GPC5: variants seen among roughly 807,000 people sequenced by gnomAD.
GPC5 encodes glypican-5.
Under a neutral mutation model 53.9 loss-of-function variants are expected in GPC5, and 47 were observed. That is an observed-to-expected ratio of 0.87 (90% CI 0.69 to 1.11). GPC5 has a LOEUF of 1.11. Among genes scored for constraint, GPC5 ranks in the 50% most tolerant of loss-of-function variants. The probability of loss-of-function intolerance (pLI) is 0.00; values close to 1 mark genes in which losing one functional copy is unlikely to be tolerated. For missense variants in GPC5, 748 were observed against 713.1 expected, an observed-to-expected ratio of 1.05 and a Z score of -0.56; for synonymous variants, 286 against 263.3, an observed-to-expected ratio of 1.09 and a Z score of -0.84.
chr13:91,626,348 G>T (rs1353797640), intron 2 of GPC5, among the ~76,000 whole-genome samples: 1 of 152,116 alleles, frequency 6.6e-6, no homozygotes, highest in Non-Finnish European at 1.5e-5. Context: ...TCCTTGCTCA[G>T]GCATGTACTG....
chr13:91,527,121 T>C (rs1460933504), intron 2 of GPC5, among the ~76,000 whole-genome samples: 2 of 152,178 alleles, frequency 1.3e-5, no homozygotes, highest in Non-Finnish European at 2.9e-5. Context: ...GCCTTTCCAA[T>C]AGTTCTGCAA....
chr13:92,157,646 AAG>A (rs2041954787), intron 7 of GPC5, among the ~76,000 whole-genome samples: 2 of 152,316 alleles, frequency 1.3e-5, no homozygotes, highest in Non-Finnish European at 2.9e-5. Context: ...TTATGTTAGG[AAG>A]AAACATGTTT....
rs373678793 is a variant in GPC5, at chr13:91,864,244, T to C, written c.1281-43693T>C. ...AATGCTTGAATGTAAGATAGTAGTT[T>C]TCTTTGAAAGATTTGGAGAATTTCA... On this transcript the variant is annotated intron_variant, in intron 5 of 7. Coordinates refer to ENST00000377067, the MANE Select transcript of GPC5 (RefSeq NM_004466.6). Among the ~76,000 whole-genome samples the C allele has an allele frequency of 5.4e-4, 83 of 152,328 alleles. 1 individual carries two copies. The highest frequency in any genetic ancestry group is 1.2e-3 in the South Asian group (6 of 4,834).
intron 7 of GPC5, among the ~76,000 whole-genome samples, chr13:92,458,804 T>C (rs890464298): frequency 3.3e-5 from 5 of 152,122 alleles, no homozygotes; most frequent in Non-Finnish European, 7.4e-5. Flanking sequence ...CATATCCAGA[T>C]TCTTTATCAT....
Position 91,607,363 on chromosome 13 carries a change from C to T in GPC5, c.326-85824C>T, listed in dbSNP as rs138979328. ...AATTTGATAAAATTATTTTTTTCCT[C>T]AAGCAAACTGAAGGATTTACCCTTG... On this transcript the variant is annotated intron_variant, in intron 2 of 7. Coordinates refer to ENST00000377067, the MANE Select transcript of GPC5 (RefSeq NM_004466.6). Among the ~76,000 whole-genome samples the T allele has an allele frequency of 1.6e-4, 24 of 152,202 alleles. No individual in the cohort carries two copies. In the East Asian group the frequency reaches 3.9e-3, roughly 25 times the overall value.
At chr13:91,893,286 A>T (rs1180851120) in intron 5 of GPC5, among the ~76,000 whole-genome samples, 1 of 151,988 alleles carries the variant, frequency 6.6e-6, no homozygotes, top group Non-Finnish European at 1.5e-5. Flanking sequence ...ATGACTTTGT[A>T]TTTTTGTATT....
intron 7 of GPC5, among the ~76,000 whole-genome samples, chr13:92,785,320 G>T (rs1280583185): frequency 6.6e-6 from 1 of 152,032 alleles, no homozygotes; most frequent in Non-Finnish European, 1.5e-5. Context: ...CTCATCATTT[G>T]CACATAGTCA....
chr13:91,531,748 G>A (rs1886354688), intron 2 of GPC5, among the ~76,000 whole-genome samples: 1 of 152,168 alleles, frequency 6.6e-6, no homozygotes, highest in East Asian at 1.9e-4. Flanking sequence ...AATAGGAACT[G>A]GTATGTGTGA....
At chr13:92,234,020 G>C (rs184419373) in intron 7 of GPC5, among the ~76,000 whole-genome samples, 31 of 152,242 alleles carry the variant, frequency 2.0e-4, no homozygotes, top group African/African-American at 7.0e-4. Context: ...AGTATTCCAT[G>C]GTGTATATGT....
chr13:92,642,903 T>C (rs1394777428), intron 7 of GPC5, among the ~76,000 whole-genome samples: 3 of 151,816 alleles, frequency 2.0e-5, no homozygotes, highest in African/African-American at 7.3e-5. Flanking sequence ...TTTAAGGAGG[T>C]TGGCTAACGC....
chr13:92,096,282 A>G (rs1056352050), intron 6 of GPC5, among the ~76,000 whole-genome samples: 3 of 152,230 alleles, frequency 2.0e-5, no homozygotes, highest in South Asian at 2.1e-4. Flanking sequence ...TATCTCTGCC[A>G]TTCATGCAAT....
At chr13:92,495,573 C>T (rs192091820) in intron 7 of GPC5, among the ~76,000 whole-genome samples, 1 of 151,822 alleles carries the variant, frequency 6.6e-6, no homozygotes, top group African/African-American at 2.4e-5. Context: ...ATGTAAACTC[C>T]ATAACCCAGA....
At chr13:92,532,900 T>G (rs1005927912) in intron 7 of GPC5, among the ~76,000 whole-genome samples, 2 of 152,170 alleles carry the variant, frequency 1.3e-5, no homozygotes, top group African/African-American at 4.8e-5. Flanking sequence ...ACAATGTGGG[T>G]TTAGGTAGAT....
intron 7 of GPC5, among the ~76,000 whole-genome samples, chr13:92,546,989 C>T (rs1424980292): frequency 2.0e-5 from 3 of 152,118 alleles, no homozygotes; most frequent in Admixed American, 2.0e-4. Context: ...AACTGGATCC[C>T]TTCCTTACAC....
intron 6 of GPC5, among the ~76,000 whole-genome samples, chr13:91,972,430 T>C (rs1417712214): frequency 4.6e-5 from 7 of 152,104 alleles, no homozygotes; most frequent in Non-Finnish European, 8.8e-5. Flanking sequence ...AATTTGCCAG[T>C]CTGTGTCTTT....
intron 7 of GPC5, among the ~76,000 whole-genome samples, chr13:92,599,813 T>C (rs1177085877): frequency 1.6e-4 from 1 of 6,172 alleles, no homozygotes; most frequent in African/African-American, 1.9e-4. Flanking sequence ...GACTTTTTTT[T>C]TGTAAAAAAA....
At chr13:91,412,721 CAG>C (rs1257814809) in intron 1 of GPC5, among the ~76,000 whole-genome samples, 1 of 152,252 alleles carries the variant, frequency 6.6e-6, no homozygotes, top group African/African-American at 2.4e-5. Flanking sequence ...CTGTAGGAAA[CAG>C]AGCATTCTCA....
chr13:92,265,066 A>T (rs541927217), intron 7 of GPC5, among the ~76,000 whole-genome samples: 7 of 152,046 alleles, frequency 4.6e-5, no homozygotes, highest in Admixed American at 1.3e-4. Flanking sequence ...TTTCTTGGAA[A>T]ATTTTTGAAA....
At chr13:91,580,678 G>A (rs1399015177) in intron 2 of GPC5, among the ~76,000 whole-genome samples, 1 of 152,214 alleles carries the variant, frequency 6.6e-6, no homozygotes, top group Non-Finnish European at 1.5e-5. Flanking sequence ...GTTTCTTGCT[G>A]CATTGGCACC....
Sources: allele counts gnomAD v4.1 joint callset (sites outside exome capture counted in the v4.1 genomes callset), GRCh38; gene constraint gnomAD v4.1.1; transcripts MANE v1.5; gene names NCBI Gene and HGNC (gene_info 2026-07-23, HGNC 2026-07-21).